Variants in LLGL2 observed in about 807,000 individuals in gnomAD.
LLGL2 encodes LLGL scribble cell polarity complex component 2, also known as LLGL2, scribble cell polarity complex component.
Under a neutral mutation model 123.2 loss-of-function variants are expected in LLGL2, and 81 were observed. The observed-to-expected ratio is 0.66, with a 90% CI of 0.55 to 0.79. The LOEUF is 0.79. LLGL2 is among the 30% of genes least tolerant of loss of function. The pLI, the probability that LLGL2 is intolerant of heterozygous loss-of-function variation, is 0.00. For synonymous variants in LLGL2, 577 were observed against 594.1 expected (o/e 0.97, Z 0.42); for missense variants, 1,273 against 1,414.6 (o/e 0.90, Z 1.61).
chr17:75,558,460 A>G lies in LLGL2; in HGVS notation c.256-52A>G, dbSNP rs1414931417. On this transcript the variant is annotated intron_variant, in intron 4 of 25. Coordinates refer to ENST00000392550, the MANE Select transcript of LLGL2 (RefSeq NM_001031803.2). The surrounding 1 kb of genome is among the most constrained non-coding windows in gnomAD (Gnocchi z 4.0). ...GGGGCTGCGTGGCCCCAGTGTGTAA[A>G]GGCCTTGCCTGGGTAGCAAGACCAC... 2 of 1,469,830 alleles carry G rather than the reference A, an allele frequency of 1.4e-6. No homozygotes were observed. Among genetic ancestry groups the G allele is most frequent in the Non-Finnish European group, 1.9e-6 (2 of 1,075,868 alleles). The allele number at this position is 1,469,830 out of a possible 1,614,324, so 91.0% of individuals were successfully genotyped here.
At chr17:75,567,218 C>A (rs917492520) in intron 10 of LLGL2, among the ~76,000 whole-genome samples, 1 of 152,200 alleles carries the variant, frequency 6.6e-6, no homozygotes, top group Non-Finnish European at 1.5e-5. Context: ...AATCCTAGCA[C>A]TTTGGGAGGC....
chr17:75,572,391 C>T (rs901794521), intron 19 of LLGL2, among the ~76,000 whole-genome samples: 7 of 152,078 alleles, frequency 4.6e-5, no homozygotes, highest in African/African-American at 1.7e-4. Context: ...GGGCCAGGCG[C>T]GGTGGCTCAT....
intron 24 of LLGL2, 53 bp from the exon 25 acceptor site, chr17:75,574,557 C>T (rs969662680): frequency 1.0e-5 from 16 of 1,597,716 alleles, no homozygotes; most frequent in Non-Finnish European, 1.3e-5. Flanking sequence ...CTCAGGGGAG[C>T]GCTGAGAGTG....
At chr17:75,554,888 CAA>C (rs566780078) in intron 2 of LLGL2, among the ~76,000 whole-genome samples, 2 of 131,946 alleles carry the variant, frequency 1.5e-5, no homozygotes, top group Non-Finnish European at 3.2e-5. Flanking sequence ...GACTCCGTCT[CAA>C]AAAAAAAAAA....
intron 2 of LLGL2, among the ~76,000 whole-genome samples, chr17:75,552,528 A>C (rs537495769): frequency 4.6e-5 from 7 of 152,300 alleles, no homozygotes; most frequent in Non-Finnish European, 7.3e-5. Context: ...TATGCAAAAT[A>C]TTTTGACGTG....
intron 6 of LLGL2, among the ~76,000 whole-genome samples, chr17:75,561,499 C>T (rs772700073): frequency 5.3e-5 from 8 of 152,084 alleles, no homozygotes; most frequent in Admixed American, 1.3e-4. Context: ...AGGCGGCACA[C>T]GTCTGCAGTC....
Position 75,558,434 on chromosome 17 carries a change from T to G in LLGL2, c.256-78T>G. On this transcript the variant is annotated intron_variant, in intron 4 of 25. Coordinates refer to ENST00000392550, the MANE Select transcript of LLGL2 (RefSeq NM_001031803.2). The surrounding 1 kb of genome is among the most constrained non-coding windows in gnomAD (Gnocchi z 4.0). ...GTGGCCAGGGGGTCTTTTAAACAAC[T>G]GGGGCTGCGTGGCCCCAGTGTGTAA... The G allele has an allele frequency of 7.6e-7, 1 of 1,307,458 alleles. No homozygotes were observed. 81.0% of individuals were successfully genotyped at this position (1,307,458 alleles called of 1,614,324 possible).
At position 75,573,058 on chromosome 17, in the gene LLGL2, G is replaced by A. The variant is rs755943993; in HGVS notation, c.2505G>A (p.Leu835=). ...PKVSAKLKLK[L]TALEGSRVRR... is the part of the protein sequence containing the mutation. The stretch of plus-strand genomic sequence containing the variant: ...TGAGTGCCAAGCTGAAGTTGAAGCT[G>A]ACGGCCCTGGAGGGCTCAAGAGTGC... Residue 835 remains leucine (L), a synonymous_variant, in exon 20 of 26, where the codon CTG becomes CTA. Transcript: ENST00000392550. The A allele has an allele frequency of 1.2e-6, 2 of 1,612,594 alleles. No homozygotes were observed. Among genetic ancestry groups the A allele is most frequent in the South Asian group, 1.1e-5 (1 of 91,054 alleles).
chr17:75,566,152 A>G (rs1181388336), intron 10 of LLGL2, among the ~76,000 whole-genome samples: 3 of 152,190 alleles, frequency 2.0e-5, no homozygotes, highest in South Asian at 2.1e-4. Context: ...GCTTGCTCCA[A>G]TGAGGTAGGG....
intron 6 of LLGL2, among the ~76,000 whole-genome samples, chr17:75,560,830 AAAC>A (rs1194020469): frequency 5.8e-4 from 64 of 109,764 alleles, no homozygotes; most frequent in Middle Eastern, 4.4e-3. Flanking sequence ...AAAAAAAAAA[AAAC>A]AAAGAAAAAA....
At chr17:75,570,553 A>G in intron 16 of LLGL2, 55 bp downstream of exon 16, 1 of 1,533,732 alleles carries the variant, frequency 6.5e-7, no homozygotes, top group African/African-American at 1.4e-5. Context: ...GGCTCAGAGC[A>G]GCCAGCAGGG....
In LLGL2 at chr17:75,549,758, C is replaced by T. The variant is rs1313240454; in HGVS notation, c.75+6257C>T. Among the ~76,000 whole-genome samples, 2 of 152,192 alleles carry T rather than the reference C, an allele frequency of 1.3e-5. No individual in the cohort carries two copies. The highest frequency in any genetic ancestry group is 2.9e-5 in the Non-Finnish European group (2 of 68,020). ...CCCCTGAGGAGTGCCAGGGACTCCT[C>T]CTCAGGTCCTAGCCCTTGGGCAGGG... is the stretch of plus-strand genomic sequence containing the variant. On this transcript the variant is annotated intron_variant, in intron 2 of 25. Transcript: ENST00000392550. The surrounding 1 kb of genome is among the most constrained non-coding windows in gnomAD (Gnocchi z 4.0).
rs750743324 is a variant in LLGL2, at chr17:75,532,053, T to TACACACACACACACACAC, written c.-31+6229_-31+6230insCACACACACACACACACA. ...CTGTAATAAATTATATATATGTATA[T>TACACACACACACACACAC]ATACACACACACACACACACACACT... On this transcript the variant is annotated intron_variant, in intron 1 of 25. Transcript: ENST00000392550. Among the ~76,000 whole-genome samples, 334 of 70,236 alleles carry TACACACACACACACACAC rather than the reference T, an allele frequency of 4.8e-3. 4 individuals carry two copies. The highest frequency in any genetic ancestry group is 0.01 in the Middle Eastern group (1 of 96). The allele number at this position is 70,236 out of a possible 152,430, so 46.1% of individuals were successfully genotyped here. A position where few individuals can be genotyped will look rare whatever the true frequency, so the allele number is the denominator to read the frequency against.
chr17:75,556,237 T>A, intron 3 of LLGL2, 94 bp downstream of exon 3: 1 of 955,668 alleles, frequency 1.0e-6, no homozygotes, highest in South Asian at 1.4e-5. Flanking sequence ...CGTGGGCTGT[T>A]GGGATAAAAT....
At chr17:75,537,259 A>G (rs1315154687) in intron 1 of LLGL2, among the ~76,000 whole-genome samples, 1 of 152,212 alleles carries the variant, frequency 6.6e-6, no homozygotes, top group Non-Finnish European at 1.5e-5. Context: ...GCCAGGAGAC[A>G]TGCATGAGCC....
intron 1 of LLGL2, among the ~76,000 whole-genome samples, chr17:75,541,095 G>A (rs763622711): frequency 2.6e-5 from 4 of 152,090 alleles, no homozygotes; most frequent in Admixed American, 1.3e-4. Flanking sequence ...CAGTGTCCAC[G>A]CCCTCCTGAT....
At chr17:75,546,876 G>A (rs753204767) in intron 2 of LLGL2, among the ~76,000 whole-genome samples, 8 of 151,936 alleles carry the variant, frequency 5.3e-5, no homozygotes, top group Middle Eastern at 3.4e-3. Flanking sequence ...TCCAGCGGAC[G>A]GTGGGATACC....
At chr17:75,532,080 T>TACACACACACACACACACACACAC (rs1444218695) in intron 1 of LLGL2, among the ~76,000 whole-genome samples, 1 of 28,240 alleles carries the variant, frequency 3.5e-5, no homozygotes, top group African/African-American at 9.5e-5. Context: ...ACACACACTT[T>TACACACACACACACACACACACAC]TTTTTTTTTT....
rs369765488 is a variant in LLGL2 at position 75,570,419 on chromosome 17, C to G, written c.1946C>G (p.Ser649Cys). 1 of 1,608,758 alleles carries G rather than the reference C, an allele frequency of 6.2e-7. No homozygotes were observed. Among genetic ancestry groups the G allele is most frequent in the South Asian group, 1.1e-5 (1 of 90,128 alleles). ...TCCCGCGTCAAGTCCCTCAAGAAGT[C>G]CTTGCGTCAGTCATTCCGCCGGATG... Reference protein sequence around the residue: ...PLSRVKSLKKSLRQSFRRMRR... With the variant: ...PLSRVKSLKKCLRQSFRRMRR... Residue 649 changes from serine (S) to cysteine (C), a missense_variant, in exon 16 of 26, where the codon TCC becomes TGC. By Grantham distance (112) the Ser-to-Cys change is moderately radical. Transcript: ENST00000392550.
Sources: allele counts gnomAD v4.1 joint callset (sites outside exome capture counted in the v4.1 genomes callset), GRCh38; gene constraint gnomAD v4.1.1; non-coding constraint Gnocchi (gnomAD v3.1); transcripts MANE v1.5; gene names NCBI Gene and HGNC (gene_info 2026-07-23, HGNC 2026-07-21).